CTNNA2: variants seen among roughly 807,000 people sequenced by gnomAD.
The protein encoded by CTNNA2 is catenin alpha-2.
Under a neutral mutation model 101.0 loss-of-function variants are expected in CTNNA2, and 42 were observed. The observed-to-expected ratio is 0.42, with a 90% CI of 0.32 to 0.54. CTNNA2 has a LOEUF of 0.54. Ranked by LOEUF, CTNNA2 falls within the 20% of genes least tolerant of loss-of-function variation. The pLI, the probability that CTNNA2 is intolerant of heterozygous loss-of-function variation, is 0.14. For synonymous variants in CTNNA2, 450 were observed against 456.4 expected (o/e 0.99, Z 0.18); for missense variants, 871 against 1,223.1 (o/e 0.71, Z 4.29).
At chr2:80,304,525 A>G (rs1004713930) in intron 7 of CTNNA2, 3 of 153,214 alleles carry the variant, frequency 2.0e-5, no homozygotes, top group African/African-American at 7.2e-5. Context: ...GGAAACGACC[A>G]CTGACCGGCG....
intron 2 of CTNNA2, among the ~76,000 whole-genome samples, chr2:79,653,599 C>T (rs1313910563): frequency 6.6e-6 from 1 of 152,152 alleles, no homozygotes; most frequent in African/African-American, 2.4e-5. Flanking sequence ...AAATGTTATC[C>T]AGACATAAAA....
chr2:79,377,121 A>G (rs950077667), intron 4 of CTNNA2, among the ~76,000 whole-genome samples: 13 of 151,540 alleles, frequency 8.6e-5, no homozygotes, highest in African/African-American at 2.9e-4. Context: ...AAGTGTTCCT[A>G]TTTCTCCACA....
At chr2:79,750,510 G>A (rs375170353) in intron 3 of CTNNA2, among the ~76,000 whole-genome samples, 13 of 152,174 alleles carry the variant, frequency 8.5e-5, no homozygotes, top group East Asian at 5.8e-4. Flanking sequence ...TTTCACATTT[G>A]GCAGCTGATA....
chr2:80,529,543 G>T (rs901005534), intron 9 of CTNNA2, among the ~76,000 whole-genome samples: 13 of 152,050 alleles, frequency 8.5e-5, no homozygotes, highest in African/African-American at 2.9e-4. Flanking sequence ...GCCCTCTTTT[G>T]TTCTCTCCCT....
intron 4 of CTNNA2, among the ~76,000 whole-genome samples, chr2:79,463,237 C>A (rs1057240823): frequency 1.3e-5 from 2 of 151,876 alleles, no homozygotes; most frequent in Non-Finnish European, 1.5e-5. Context: ...CATGGTGAAA[C>A]CCTGTCTCTA....
intron 2 of CTNNA2, among the ~76,000 whole-genome samples, chr2:79,705,624 A>G (rs922476136): frequency 6.6e-6 from 1 of 152,148 alleles, no homozygotes; most frequent in African/African-American, 2.4e-5. Flanking sequence ...TACACAGTTT[A>G]TTTTATGCTG....
intron 4 of CTNNA2, among the ~76,000 whole-genome samples, chr2:79,446,167 G>A (rs1009535647): frequency 6.6e-6 from 1 of 151,888 alleles, no homozygotes; most frequent in Non-Finnish European, 1.5e-5. Flanking sequence ...CGGAGAAAAT[G>A]TCTTGTTGCC....
intron 1 of CTNNA2, among the ~76,000 whole-genome samples, chr2:79,616,374 G>A (rs1203907965): frequency 6.6e-6 from 1 of 152,096 alleles, no homozygotes; most frequent in Non-Finnish European, 1.5e-5. Context: ...AGAGACTTTA[G>A]GAAGGATGTA....
intron 8 of CTNNA2, among the ~76,000 whole-genome samples, chr2:80,402,019 G>A (rs756580994): frequency 9.2e-5 from 14 of 152,316 alleles, no homozygotes; most frequent in Non-Finnish European, 1.0e-4. Context: ...CCAGTTGAAA[G>A]TAGTAGGTTG....
At chr2:79,396,028 C>T (rs1027207787) in intron 4 of CTNNA2, among the ~76,000 whole-genome samples, 9 of 152,200 alleles carry the variant, frequency 5.9e-5, no homozygotes, top group Middle Eastern at 6.8e-3. Context: ...TATGTGTTTC[C>T]TGTTTTCTAA....
At chr2:80,047,521 T>A (rs1216292786) in intron 7 of CTNNA2, among the ~76,000 whole-genome samples, 3 of 152,194 alleles carry the variant, frequency 2.0e-5, no homozygotes, top group Admixed American at 1.3e-4. Context: ...CTTGCTGTGC[T>A]GACTCTGCTG....
intron 12 of CTNNA2, among the ~76,000 whole-genome samples, chr2:80,569,633 G>GTTTTTTGTTTTTTTTT (rs1553392642): frequency 1.2e-4 from 6 of 51,736 alleles, no homozygotes; most frequent in African/African-American, 3.7e-4. Flanking sequence ...GGGTATTTAG[G>GTTTTTTGTTTTTTTTT]TTTTTTTTTT....
intron 3 of CTNNA2, among the ~76,000 whole-genome samples, chr2:79,853,043 T>G (rs1253278950): frequency 6.6e-6 from 1 of 151,998 alleles, no homozygotes; most frequent in African/African-American, 2.4e-5. Context: ...ATTTTTTGTA[T>G]TTTTAGTAGA....
chr2:79,503,438 T>C (rs991440680), intron 4 of CTNNA2, among the ~76,000 whole-genome samples: 5 of 152,158 alleles, frequency 3.3e-5, no homozygotes, highest in African/African-American at 4.8e-5. Flanking sequence ...CTACATTGCT[T>C]CTGACCAAAG....
At chr2:79,798,879 A>G (rs900514776) in intron 3 of CTNNA2, among the ~76,000 whole-genome samples, 1 of 152,234 alleles carries the variant, frequency 6.6e-6, no homozygotes, top group African/African-American at 2.4e-5. Context: ...AGAAAGTAAG[A>G]AAAGAGCAGA....
chr2:80,553,350 A>G (rs916683426), intron 11 of CTNNA2, among the ~76,000 whole-genome samples: 2 of 152,178 alleles, frequency 1.3e-5, no homozygotes, highest in African/African-American at 4.8e-5. Context: ...ATTAATAGCA[A>G]TGTTTTTGTT....
intron 9 of CTNNA2, among the ~76,000 whole-genome samples, chr2:80,483,269 A>G (rs1686288014): frequency 6.6e-6 from 1 of 151,888 alleles, no homozygotes; most frequent in African/African-American, 2.4e-5. Context: ...GTACACCAGA[A>G]AAAGTGTACA....
intron 7 of CTNNA2, among the ~76,000 whole-genome samples, chr2:80,095,189 A>G (rs1407711924): frequency 3.3e-5 from 5 of 152,300 alleles, no homozygotes; most frequent in African/African-American, 1.2e-4. Context: ...TCAATACCTA[A>G]TTTATTGAGA....
At chr2:80,638,535 C>T (rs1226339579) in intron 18 of CTNNA2, among the ~76,000 whole-genome samples, 2 of 152,134 alleles carry the variant, frequency 1.3e-5, no homozygotes, top group African/African-American at 4.8e-5. Context: ...TGGCCCTGTT[C>T]CGAACTTTCC....
Sources: allele counts gnomAD v4.1 joint callset (sites outside exome capture counted in the v4.1 genomes callset), GRCh38; gene constraint gnomAD v4.1.1; transcripts MANE v1.5; gene names NCBI Gene and HGNC (gene_info 2026-07-23, HGNC 2026-07-21).